PLCB1: variants seen among roughly 807,000 people sequenced by gnomAD.
The protein encoded by PLCB1 is 1-phosphatidylinositol 4,5-bisphosphate phosphodiesterase beta-1.
In PLCB1, 46 loss-of-function variants were observed where a neutral mutation model predicts 161.8. The ratio of observed to expected loss-of-function variants is 0.28; its 90% CI spans 0.22 to 0.36. PLCB1 has a LOEUF of 0.36. Ranked by LOEUF, PLCB1 falls within the 10% of genes least tolerant of loss-of-function variation. The pLI is 1.00. For synonymous variants in PLCB1, 517 were observed against 503.7 expected, an observed-to-expected ratio of 1.03 and a Z score of -0.35; for missense variants, 1,016 against 1,472.5, an observed-to-expected ratio of 0.69 and a Z score of 5.07.
chr20:8,228,862 A>G (rs1455114067), intron 2 of PLCB1, among the ~76,000 whole-genome samples: 9 of 152,250 alleles, frequency 5.9e-5, no homozygotes, highest in Non-Finnish European at 1.2e-4. Context: ...TAGCATATCT[A>G]TCACCTCAGA....
chr20:8,390,049 G>C (rs1987543498), intron 3 of PLCB1, among the ~76,000 whole-genome samples: 1 of 152,164 alleles, frequency 6.6e-6, no homozygotes. Context: ...TTTCAGTCAA[G>C]TTTTCCTTAA....
chr20:8,639,798 C>A (rs1988881246), intron 4 of PLCB1, among the ~76,000 whole-genome samples: 2 of 151,794 alleles, frequency 1.3e-5, no homozygotes, highest in South Asian at 4.2e-4. Context: ...TAAATTATAA[C>A]CATGATAAGC....
chr20:8,200,399 C>A (rs6055637), intron 2 of PLCB1, among the ~76,000 whole-genome samples: 3,869 of 152,072 alleles, frequency 0.025, 181 homozygotes, highest in African/African-American at 0.088. Context: ...AATTATACCT[C>A]TTTTGTTATA....
chr20:8,734,326 A>C (rs1220633630), intron 19 of PLCB1, among the ~76,000 whole-genome samples: 3 of 151,870 alleles, frequency 2.0e-5, no homozygotes, highest in Admixed American at 1.3e-4. Flanking sequence ...AGTGGCCCAT[A>C]TTGGAGAGAT....
At chr20:8,750,364 C>A (rs1024518063) in intron 23 of PLCB1, among the ~76,000 whole-genome samples, 2 of 152,082 alleles carry the variant, frequency 1.3e-5, no homozygotes, top group African/African-American at 4.8e-5. Flanking sequence ...TTCTAACTCA[C>A]CCTGGTAGAC....
At chr20:8,621,491 A>T (rs1988182710) in intron 3 of PLCB1, among the ~76,000 whole-genome samples, 1 of 152,200 alleles carries the variant, frequency 6.6e-6, no homozygotes, top group East Asian at 1.9e-4. Context: ...AGCAAGGATG[A>T]TTGTACAAAT....
chr20:8,281,441 AT>A (rs919235046), intron 2 of PLCB1, among the ~76,000 whole-genome samples: 19 of 151,686 alleles, frequency 1.3e-4, no homozygotes, highest in African/African-American at 9.7e-5. Flanking sequence ...CAAAGATCAG[AT>A]TTTTTTTTAA....
At chr20:8,674,490 G>A (rs1990027877) in intron 9 of PLCB1, among the ~76,000 whole-genome samples, 1 of 152,158 alleles carries the variant, frequency 6.6e-6, no homozygotes, top group Non-Finnish European at 1.5e-5. Context: ...TTCTTTTCTG[G>A]TCTTGGTCAT....
chr20:8,494,136 G>T (rs932098197), intron 3 of PLCB1, among the ~76,000 whole-genome samples: 4 of 152,186 alleles, frequency 2.6e-5, no homozygotes, highest in Non-Finnish European at 5.9e-5. Flanking sequence ...CCTTACCTTG[G>T]TGTATGAGAG....
At chr20:8,859,568 C>A (rs551740261) in intron 31 of PLCB1, among the ~76,000 whole-genome samples, 65 of 152,054 alleles carry the variant, frequency 4.3e-4, no homozygotes, top group African/African-American at 1.5e-3. Context: ...CTTTTGAAAA[C>A]CTTTTGGTTT....
At chr20:8,390,317 A>C (rs1987551077) in intron 3 of PLCB1, among the ~76,000 whole-genome samples, 1 of 152,066 alleles carries the variant, frequency 6.6e-6, no homozygotes, top group Non-Finnish European at 1.5e-5. Flanking sequence ...TCTATTCCTA[A>C]TTTCCTCTTC....
chr20:8,856,844 C>G (rs1987085819), intron 31 of PLCB1, among the ~76,000 whole-genome samples: 1 of 152,124 alleles, frequency 6.6e-6, no homozygotes, highest in Non-Finnish European at 1.5e-5. Context: ...TTTGTTGTAT[C>G]AGTTAGCTAT....
chr20:8,341,893 G>A (rs748319892), intron 2 of PLCB1, among the ~76,000 whole-genome samples: 1 of 152,088 alleles, frequency 6.6e-6, no homozygotes, highest in Admixed American at 6.6e-5. Flanking sequence ...GAGGTTCAAA[G>A]AGGCTAGATA....
At chr20:8,407,226 T>C (rs746664024) in intron 3 of PLCB1, among the ~76,000 whole-genome samples, 4 of 152,162 alleles carry the variant, frequency 2.6e-5, no homozygotes, top group Non-Finnish European at 5.9e-5. Flanking sequence ...AAGTAACTTA[T>C]GTGGTTAATG....
chr20:8,836,679 T>C (rs966431376), intron 31 of PLCB1, among the ~76,000 whole-genome samples: 18 of 152,188 alleles, frequency 1.2e-4, no homozygotes, highest in African/African-American at 4.1e-4. Flanking sequence ...TGGATACTCC[T>C]AATCAACCAC....
chr20:8,518,874 A>G (rs1984240908), intron 3 of PLCB1, among the ~76,000 whole-genome samples: 1 of 151,606 alleles, frequency 6.6e-6, no homozygotes, highest in African/African-American at 2.4e-5. Flanking sequence ...GAAGACAGTG[A>G]AAGATCATCA....
At chr20:8,552,170 C>T (rs758785040) in intron 3 of PLCB1, among the ~76,000 whole-genome samples, 4 of 152,156 alleles carry the variant, frequency 2.6e-5, no homozygotes, top group Non-Finnish European at 5.9e-5. Context: ...TTCTAAGACC[C>T]TCATTAAATG....
In PLCB1 at chr20:8,556,685, G is replaced by A. The variant is rs879796430; in HGVS notation, c.247-71609G>A. Reference sequence around the variant, plus strand: ...TGTGTGTGTGTGTGTGTGTGTGTGTGTGTGTGTGTGTGTGTGTTTGCTCTA... The same window carrying A: ...TGTGTGTGTGTGTGTGTGTGTGTGTATGTGTGTGTGTGTGTGTTTGCTCTA... On this transcript the variant is annotated intron_variant, in intron 3 of 31. Coordinates refer to ENST00000338037, the MANE Select transcript of PLCB1 (RefSeq NM_015192.4). Among the ~76,000 whole-genome samples, 46 of 150,902 alleles carry A rather than the reference G, an allele frequency of 3.0e-4. 1 individual carries two copies. The East Asian group carries it at 8.4e-3, about 28-fold the overall frequency.
chr20:8,750,017 G>A (rs1981374112), intron 23 of PLCB1, among the ~76,000 whole-genome samples: 2 of 152,126 alleles, frequency 1.3e-5, no homozygotes, highest in South Asian at 4.2e-4. Context: ...TATATGTAAT[G>A]CTGAGGAAAA....
Sources: allele counts gnomAD v4.1 joint callset (sites outside exome capture counted in the v4.1 genomes callset), GRCh38; gene constraint gnomAD v4.1.1; transcripts MANE v1.5; gene names NCBI Gene and HGNC (gene_info 2026-07-23, HGNC 2026-07-21).